Variants in PPHLN1 observed in about 807,000 individuals in gnomAD.
PPHLN1 encodes the protein periphilin-1.
In PPHLN1, 29 loss-of-function variants were observed where a neutral mutation model predicts 51.3. The observed-to-expected ratio is 0.57, with a 90% CI of 0.42 to 0.77. The LOEUF (loss-of-function observed/expected upper bound fraction) is 0.77, where lower values mean the gene tolerates loss of function less well. Ranked by LOEUF, PPHLN1 falls within the 30% of genes least tolerant of loss-of-function variation. PPHLN1 has a pLI of 0.00. For missense variants in PPHLN1, 436 were observed against 438.4 expected (o/e 0.99, Z 0.05); for synonymous variants, 147 against 147.8 (o/e 0.99, Z 0.04).
intron 9 of PPHLN1, among the ~76,000 whole-genome samples, chr12:42,424,303 T>C (rs2081243651): frequency 6.6e-6 from 1 of 151,982 alleles, no homozygotes; most frequent in Non-Finnish European, 1.5e-5. Flanking sequence ...ATTTGCAGGG[T>C]TTCTCATGTA....
rs1449064567 is a variant in PPHLN1 at position 42,441,909 on chromosome 12, A to G, written c.*400A>G. 1.0e-6 allele frequency: 1 copy of G among 981,436 alleles called. No homozygotes were observed. The highest frequency in any genetic ancestry group is 1.7e-5 in the African/African-American group (1 of 57,180). 60.8% of individuals were successfully genotyped at this position (981,436 alleles called of 1,614,324 possible). A position where few individuals can be genotyped will look rare whatever the true frequency, so the allele number is the denominator to read the frequency against. On this transcript the variant is annotated 3_prime_UTR_variant, in exon 10 of 10. Transcript: ENST00000358314. ...TTTTTCTTAGGCTTTGTAACTTGTA[A>G]TATGTTAAAGTGTACTATCCTAATA...
chr12:42,356,265 C>T (rs1007254648), intron 4 of PPHLN1, among the ~76,000 whole-genome samples: 4 of 152,168 alleles, frequency 2.6e-5, no homozygotes, highest in African/African-American at 7.2e-5. Context: ...GATTTTTATT[C>T]ACAGCACAGC....
At chr12:42,418,770 C>T (rs1013778257) in intron 9 of PPHLN1, among the ~76,000 whole-genome samples, 9 of 152,096 alleles carry the variant, frequency 5.9e-5, no homozygotes, top group African/African-American at 1.7e-4. Context: ...CACAATTATA[C>T]ATTTTTTTTG....
At chr12:42,379,527 T>C (rs1375337686) in intron 5 of PPHLN1, among the ~76,000 whole-genome samples, 2 of 152,012 alleles carry the variant, frequency 1.3e-5, no homozygotes, top group East Asian at 3.8e-4. Flanking sequence ...CCTTTTGCTT[T>C]CCTATTTTTC....
At chr12:42,375,290 C>T in intron 5 of PPHLN1, 1 of 290,832 alleles carries the variant, frequency 3.4e-6, no homozygotes, top group Non-Finnish European at 6.4e-6. Context: ...TGACACTTAC[C>T]TTTAATTTCT....
At chr12:42,329,756 G>A (rs964110454) in intron 1 of PPHLN1, 10 of 152,154 alleles carry the variant, frequency 6.6e-5, no homozygotes, top group African/African-American at 2.4e-4. Context: ...GGGCAGGAAA[G>A]TTAATTCCAC....
intron 2 of PPHLN1, among the ~76,000 whole-genome samples, chr12:42,349,872 T>C (rs1342063655): frequency 6.6e-6 from 1 of 152,182 alleles, no homozygotes; most frequent in Non-Finnish European, 1.5e-5. Context: ...CTTTTCTATT[T>C]GACAAAACCG....
intron 1 of PPHLN1, among the ~76,000 whole-genome samples, chr12:42,329,316 A>C (rs895261976): frequency 1.3e-5 from 2 of 151,978 alleles, no homozygotes; most frequent in African/African-American, 2.4e-5. Flanking sequence ...CGTGTTAGCC[A>C]GTATGGTCTC....
chr12:42,397,764 T>C (rs921964537), intron 8 of PPHLN1, among the ~76,000 whole-genome samples: 7 of 152,168 alleles, frequency 4.6e-5, no homozygotes, highest in African/African-American at 1.4e-4. Context: ...TGAGACAGTG[T>C]CTGGCTCTGT....
intron 5 of PPHLN1, among the ~76,000 whole-genome samples, chr12:42,381,413 A>G (rs1192750900): frequency 1.3e-5 from 2 of 152,266 alleles, no homozygotes; most frequent in African/African-American, 4.8e-5. Flanking sequence ...TGTTTTCCTT[A>G]TATGTTTAAA....
At chr12:42,412,378 G>A (rs2079949161) in intron 9 of PPHLN1, among the ~76,000 whole-genome samples, 1 of 151,736 alleles carries the variant, frequency 6.6e-6, no homozygotes, top group Admixed American at 6.6e-5. Context: ...TTCACTTAGA[G>A]TATTGGCTTC....
chr12:42,421,869 G>T (rs2081039645), intron 9 of PPHLN1, among the ~76,000 whole-genome samples: 1 of 151,808 alleles, frequency 6.6e-6, no homozygotes, highest in South Asian at 2.1e-4. Flanking sequence ...TTTTTTTGGT[G>T]TAGGATTTTT....
At chr12:42,348,645 A>G (rs141909538) in intron 2 of PPHLN1, among the ~76,000 whole-genome samples, 1 of 152,322 alleles carries the variant, frequency 6.6e-6, no homozygotes, top group Non-Finnish European at 1.5e-5. Flanking sequence ...AGGCATGCAT[A>G]GTCACCCCAC....
At chr12:42,401,405 T>G (rs537289799) in intron 9 of PPHLN1, among the ~76,000 whole-genome samples, 1 of 152,076 alleles carries the variant, frequency 6.6e-6, no homozygotes, top group South Asian at 2.1e-4. Flanking sequence ...AAAATGTTTA[T>G]TTTTCTACCT....
At chr12:42,339,122 T>C (rs754854761) in intron 2 of PPHLN1, among the ~76,000 whole-genome samples, 1 of 152,256 alleles carries the variant, frequency 6.6e-6, no homozygotes, top group East Asian at 1.9e-4. Flanking sequence ...TTCAGCTGTC[T>C]CTTAAATGCC....
chr12:42,428,033 A>C (rs1046506562), intron 9 of PPHLN1, among the ~76,000 whole-genome samples: 1 of 152,246 alleles, frequency 6.6e-6, no homozygotes, highest in Non-Finnish European at 1.5e-5. Flanking sequence ...TGATCAGAGA[A>C]ATGCAAATCA....
chr12:42,389,453 G>T (rs1184294035), intron 7 of PPHLN1, among the ~76,000 whole-genome samples: 2 of 151,440 alleles, frequency 1.3e-5, no homozygotes, highest in East Asian at 3.9e-4. Context: ...CCAGGTACTT[G>T]GGAGGCCAAG....
At chr12:42,417,832 T>A (rs1239509789) in intron 9 of PPHLN1, among the ~76,000 whole-genome samples, 5 of 150,420 alleles carry the variant, frequency 3.3e-5, no homozygotes, top group African/African-American at 1.2e-4. Context: ...AAAAGACAAG[T>A]GATAATAGTT....
intron 9 of PPHLN1, among the ~76,000 whole-genome samples, chr12:42,423,988 A>G (rs2081218546): frequency 6.6e-6 from 1 of 152,194 alleles, no homozygotes; most frequent in South Asian, 2.1e-4. Flanking sequence ...ACCATGGAAA[A>G]TTATAGCCTA....
Sources: allele counts gnomAD v4.1 joint callset (sites outside exome capture counted in the v4.1 genomes callset), GRCh38; gene constraint gnomAD v4.1.1; transcripts MANE v1.5; gene names NCBI Gene and HGNC (gene_info 2026-07-23, HGNC 2026-07-21).